Variants in SNX7 observed in about 807,000 individuals in gnomAD.
SNX7 encodes sorting nexin 7, also known as sorting nexin-7.
A neutral mutation model predicts 48.4 loss-of-function variants in SNX7; 35 were observed. The observed-to-expected ratio is 0.72, with a 90% CI of 0.55 to 0.96. The LOEUF is 0.96. Among genes scored for constraint, SNX7 ranks in the 40% least tolerant of loss-of-function variants. The pLI, the probability that SNX7 is intolerant of heterozygous loss-of-function variation, is 0.00. For missense variants in SNX7, 553 were observed against 548.9 expected (o/e 1.01, Z -0.07); for synonymous variants, 190 against 190.2 (o/e 1.00, Z 0.01).
At chr1:98,709,846 A>G (rs1205687432) in intron 7 of SNX7, among the ~76,000 whole-genome samples, 3 of 150,682 alleles carry the variant, frequency 2.0e-5, no homozygotes, top group Admixed American at 2.0e-4. Flanking sequence ...TTTTTTCCTT[A>G]CTCTCATGTT....
chr1:98,672,205 C>A (rs1649907220), intron 1 of SNX7, among the ~76,000 whole-genome samples: 1 of 151,978 alleles, frequency 6.6e-6, no homozygotes, highest in African/African-American at 2.4e-5. Context: ...TCAGCTGTGG[C>A]TAAACTGTGA....
chr1:98,720,623 C>T (rs1331791829), intron 7 of SNX7, among the ~76,000 whole-genome samples: 1 of 152,044 alleles, frequency 6.6e-6, no homozygotes, highest in African/African-American at 2.4e-5. Context: ...GTGCTGTTTA[C>T]TCTTACATTT....
At chr1:98,742,546 T>C (rs1654123831) in intron 8 of SNX7, among the ~76,000 whole-genome samples, 2 of 152,116 alleles carry the variant, frequency 1.3e-5, no homozygotes, top group African/African-American at 4.8e-5. Context: ...TTTTATAATA[T>C]AGTTCATTCC....
chr1:98,732,608 C>T (rs1160041910), intron 7 of SNX7, among the ~76,000 whole-genome samples: 1 of 151,966 alleles, frequency 6.6e-6, no homozygotes, highest in Non-Finnish European at 1.5e-5. Flanking sequence ...AATTTTTTTC[C>T]TTTAGCATAG....
chr1:98,721,254 C>T (rs1033906747), intron 7 of SNX7, among the ~76,000 whole-genome samples: 1 of 152,022 alleles, frequency 6.6e-6, no homozygotes, highest in Admixed American at 6.6e-5. Context: ...TGCAGATATT[C>T]CAAAATCTGA....
intron 7 of SNX7, among the ~76,000 whole-genome samples, chr1:98,718,144 C>T (rs1652685280): frequency 6.6e-6 from 1 of 152,022 alleles, no homozygotes; most frequent in African/African-American, 2.4e-5. Flanking sequence ...AACACACTTC[C>T]TGAAGAAGGT....
At chr1:98,676,375 A>G in intron 1 of SNX7, among the ~76,000 whole-genome samples, 1 of 152,068 alleles carries the variant, frequency 6.6e-6, no homozygotes, top group East Asian at 1.9e-4. Context: ...TTGCTTCTAA[A>G]TTTTCTGTGT....
At chr1:98,663,253 G>T (rs10530039) in intron 1 of SNX7, among the ~76,000 whole-genome samples, 32,765 of 41,072 alleles carry the variant, frequency 0.8, 12,345 homozygotes, top group African/African-American at 0.86. Context: ...TTTCTTTCTG[G>T]TTTTTTTTTT....
chr1:98,720,508 G>T (rs1361252177), intron 7 of SNX7, among the ~76,000 whole-genome samples: 2 of 151,956 alleles, frequency 1.3e-5, no homozygotes, highest in Non-Finnish European at 2.9e-5. Flanking sequence ...TTTTTTGAGT[G>T]AACCCCTAAT....
At chr1:98,698,653 T>C in intron 5 of SNX7, 53 bp from the exon 6 acceptor site, 1 of 1,509,728 alleles carries the variant, frequency 6.6e-7, no homozygotes, top group African/African-American at 1.4e-5. Flanking sequence ...GATACAGGTA[T>C]TTTGAAAACT....
rs557931172 is a variant in SNX7 at position 98,698,446 on chromosome 1, T to A, written c.839-260T>A. 1.2e-4 allele frequency among the ~76,000 whole-genome samples: 18 copies of A among 152,252 alleles called. No individual in the cohort carries two copies. In the South Asian group the frequency reaches 3.1e-3, roughly 26 times the overall value. On this transcript the variant is annotated intron_variant, in intron 5 of 8. Coordinates refer to ENST00000306121, the MANE Select transcript of SNX7 (RefSeq NM_015976.5). Reference sequence around the variant, plus strand: ...ATAGATATGATGGTCATATAATTTATTTTTCAAGCCAAGACATTTTTGACA... The same window carrying A: ...ATAGATATGATGGTCATATAATTTAATTTTCAAGCCAAGACATTTTTGACA...
chr1:98,698,974 A>G (rs553722358), intron 6 of SNX7, 69 bp downstream of exon 6: 1 of 1,459,284 alleles, frequency 6.9e-7, no homozygotes, highest in Admixed American at 1.8e-5. Flanking sequence ...AGGCAACTGT[A>G]TTTCTTTTCT....
At chr1:98,719,843 A>T (rs1432284149) in intron 7 of SNX7, among the ~76,000 whole-genome samples, 2 of 140,986 alleles carry the variant, frequency 1.4e-5, no homozygotes, top group African/African-American at 5.3e-5. Context: ...TCTTATAAAT[A>T]TGAGGTTTTT....
At chr1:98,733,429 T>A (rs1472244380) in intron 7 of SNX7, among the ~76,000 whole-genome samples, 1 of 152,100 alleles carries the variant, frequency 6.6e-6, no homozygotes, top group East Asian at 1.9e-4. Context: ...CGCCTCCACT[T>A]GTCCTCTGTG....
At chr1:98,712,155 A>G (rs998655359) in intron 7 of SNX7, among the ~76,000 whole-genome samples, 1 of 152,174 alleles carries the variant, frequency 6.6e-6, no homozygotes, top group African/African-American at 2.4e-5. Context: ...AAAGTCATCT[A>G]TAAGAGTTAG....
At chr1:98,758,331 G>A (rs879661213) in intron 8 of SNX7, among the ~76,000 whole-genome samples, 1 of 151,978 alleles carries the variant, frequency 6.6e-6, no homozygotes, top group African/African-American at 2.4e-5. Flanking sequence ...CTAAGAGGAG[G>A]CCATTCTTAC....
intron 1 of SNX7, among the ~76,000 whole-genome samples, chr1:98,670,267 C>T (rs1204257759): frequency 6.6e-6 from 1 of 151,940 alleles, no homozygotes; most frequent in Non-Finnish European, 1.5e-5. Flanking sequence ...AATTTAGAAA[C>T]ATTCTTTTAC....
chr1:98,718,594 A>AT (rs1156553861), intron 7 of SNX7, among the ~76,000 whole-genome samples: 1 of 152,130 alleles, frequency 6.6e-6, no homozygotes, highest in Non-Finnish European at 1.5e-5. Context: ...ATTTGAAAAG[A>AT]TAATATATTC....
At chr1:98,691,937 A>ACTCTCTCTCTCTCTCTCT (rs59743636) in intron 4 of SNX7, among the ~76,000 whole-genome samples, 1 of 131,066 alleles carries the variant, frequency 7.6e-6, no homozygotes, top group African/African-American at 2.8e-5. Context: ...ACACACACAC[A>ACTCTCTCTCTCTCTCTCT]CTCTCTCTCT....
Sources: allele counts gnomAD v4.1 joint callset (sites outside exome capture counted in the v4.1 genomes callset), GRCh38; gene constraint gnomAD v4.1.1; transcripts MANE v1.5; gene names NCBI Gene and HGNC (gene_info 2026-07-23, HGNC 2026-07-21).